Variants in PRRT3 observed in about 807,000 individuals in gnomAD.
The protein encoded by PRRT3 is proline rich transmembrane protein 3.
Under a neutral mutation model 56.6 loss-of-function variants are expected in PRRT3, and 48 were observed. The observed-to-expected ratio is 0.85, with a 90% CI of 0.67 to 1.08. The LOEUF is 1.08. Ranked by LOEUF, PRRT3 falls within the 50% of genes least tolerant of loss-of-function variation. PRRT3 has a pLI of 0.00. For missense variants in PRRT3, 1,370 were observed against 1,353.1 expected (o/e 1.01, Z -0.20); for synonymous variants, 641 against 619.1 (o/e 1.04, Z -0.52).
In PRRT3 at chr3:9,949,938, C is replaced by A. The variant is rs374087278; in HGVS notation, c.178G>T (p.Val60Leu). Reference sequence around the variant, plus strand: ...TCAGCTCTGGGGTTCTCCGGGAACACGTCAAAGGCCTGGGGCTCTGAGCCC... The same window carrying A: ...TCAGCTCTGGGGTTCTCCGGGAACAAGTCAAAGGCCTGGGGCTCTGAGCCC... The part of the protein sequence containing the change: ...SVGSEPQAFD[V>L]FPENPRADSH... The change falls in exon 2 of 4, where the codon GTG (valine) becomes TTG (leucine). Residue 60 changes from valine (V) to leucine (L), a missense_variant. Coordinates refer to ENST00000412055, the MANE Select transcript of PRRT3 (RefSeq NM_207351.5). The surrounding 1 kb of genome is among the most constrained non-coding windows in gnomAD (Gnocchi z 4.5). 1.2e-6 allele frequency: 2 copies of A among 1,604,238 alleles called. No individual in the cohort carries two copies. Among genetic ancestry groups the A allele is most frequent in the South Asian group, 1.1e-5 (1 of 89,760 alleles).
Position 9,946,051 on chromosome 3 carries a change from T to C in PRRT3, c.*176A>G. The C allele has an allele frequency of 2.1e-6, 2 of 940,896 alleles. No homozygotes were observed. The highest frequency in any genetic ancestry group is 3.0e-6 in the Non-Finnish European group (2 of 658,002). 58.3% of individuals were successfully genotyped at this position (940,896 alleles called of 1,614,324 possible). ...TTCGCTATGTTCGAGACCAGGAGGC[T>C]GATCTCGAACTCCTGACCTCGTGTT... On this transcript the variant is annotated 3_prime_UTR_variant, in exon 4 of 4. Transcript: ENST00000412055. This position sits in a 1 kb window ranked among gnomAD's most constrained non-coding sequence, Gnocchi z 4.1.
At chr3:9,950,485 C>T (rs1045998895) in intron 1 of PRRT3, among the ~76,000 whole-genome samples, 4 of 151,348 alleles carry the variant, frequency 2.6e-5, no homozygotes, top group Non-Finnish European at 4.4e-5. Flanking sequence ...AATGCTCTCT[C>T]CCTTCCCCTT....
At chr3:9,950,214 G>A in intron 1 of PRRT3, 42 bp from the exon 2 acceptor site, 2 of 1,062,058 alleles carry the variant, frequency 1.9e-6, no homozygotes, top group South Asian at 4.4e-5. Context: ...TGAGGGCTGG[G>A]GGCCCCCATG....
rs2085564809 is a variant in PRRT3 at position 9,948,407 on chromosome 3, G to C, written c.1171+351C>G. 7.3e-6 allele frequency: 3 copies of C among 411,000 alleles called. No homozygotes were observed. In the East Asian group the frequency reaches 1.2e-4, roughly 16 times the overall value. 25.5% of individuals were successfully genotyped at this position (411,000 alleles called of 1,614,324 possible). Reference sequence around the variant, plus strand: ...TGCAGTGGTGCAATGTGGGCTTACTGCAGCCTTGACCTCCAGGACAAGTGA... The same window carrying C: ...TGCAGTGGTGCAATGTGGGCTTACTCCAGCCTTGACCTCCAGGACAAGTGA... On this transcript the variant is annotated intron_variant, in intron 3 of 3. Coordinates refer to ENST00000412055, the MANE Select transcript of PRRT3 (RefSeq NM_207351.5).
chr3:9,948,445 G>T (rs2085565309), intron 3 of PRRT3: 1 of 442,732 alleles, frequency 2.3e-6, no homozygotes, highest in Non-Finnish European at 3.9e-6. Context: ...TCCCACCTCA[G>T]CCTCCGGAAT....
chr3:9,947,718 G>T lies in PRRT3; in HGVS notation c.1455C>A (p.Pro485=), dbSNP rs767412514. Residue 485 remains proline (P), a synonymous_variant, in exon 4 of 4, where the codon CCC becomes CCA. Transcript: ENST00000412055. This position sits in a 1 kb window ranked among gnomAD's most constrained non-coding sequence, Gnocchi z 9.2. ...VYGVGVLFLL[P]ALLALAALAA... ...CCAGCGCAGCCAGCGCCAACAACGC[G>T]GGCAGCAGAAAGAGTACCCCCACCC... The T allele has an allele frequency of 1.8e-5, 28 of 1,565,032 alleles. 1 individual carries two copies. The South Asian group carries it at 2.6e-4, about 15-fold the overall frequency.
rs2085513620 is a variant in PRRT3 at position 9,946,187 on chromosome 3, G to A, written c.*40C>T. 3 of 1,584,114 alleles carry A rather than the reference G, an allele frequency of 1.9e-6. No homozygotes were observed. Among genetic ancestry groups the A allele is most frequent in the Non-Finnish European group, 2.6e-6 (3 of 1,164,142 alleles). On this transcript the variant is annotated 3_prime_UTR_variant, in exon 4 of 4. Transcript: ENST00000412055. The surrounding 1 kb of genome is among the most constrained non-coding windows in gnomAD (Gnocchi z 4.1). ...CTGTCCCAGTAGGCCATGCCATGTG[G>A]GCATCGGGCAGGGTCCTGGCCCTGC... is the stretch of plus-strand genomic sequence containing the variant.
At position 9,948,936 on chromosome 3, in the gene PRRT3, A is replaced by C. The variant is rs773801251; in HGVS notation, c.1016-23T>G. 3 of 1,544,898 alleles carry C rather than the reference A, an allele frequency of 1.9e-6. No individual in the cohort carries two copies. The South Asian group carries it at 3.7e-5, about 19-fold the overall frequency. Reference sequence around the variant, plus strand: ...TCTCTGAAATGACAAAGCAGTCATCACCTTACCTGACCCTCCTATGGTCCT... The same window carrying C: ...TCTCTGAAATGACAAAGCAGTCATCCCCTTACCTGACCCTCCTATGGTCCT... On this transcript the variant is annotated intron_variant, in intron 2 of 3. Coordinates refer to ENST00000412055, the MANE Select transcript of PRRT3 (RefSeq NM_207351.5).
Position 9,948,825 on chromosome 3 carries a change from G to A in PRRT3, c.1104C>T (p.Ile368=). 1 of 1,613,534 alleles carries A rather than the reference G, an allele frequency of 6.2e-7. No homozygotes were observed. The highest frequency in any genetic ancestry group is 1.7e-5 in the Admixed American group (1 of 59,892). The change falls in exon 3 of 4, where the codon ATC becomes ATT. Residue 368 remains isoleucine (I), a synonymous_variant. Coordinates refer to ENST00000412055, the MANE Select transcript of PRRT3 (RefSeq NM_207351.5). ...VEAPGTPKSL[I]PGPSDPGPAV... ...CTGGGCCAGGGTCTGAGGGACCAGG[G>A]ATGAGAGACTTGGGGGTGCCTGGGG...
In PRRT3 at chr3:9,947,004, C is replaced by A. The variant is rs1232031869; in HGVS notation, c.2169G>T (p.Pro723=). ...GCTCCGGCACCTCGCTCTTTCCTGACGGCGCCGGGCACGCCAGACGCATCA... is the reference window on the plus strand; with the variant it reads ...GCTCCGGCACCTCGCTCTTTCCTGAAGGCGCCGGGCACGCCAGACGCATCA... ...AKLMRLACPA[P]SGKSEVPERP... The change falls in exon 4 of 4, where the codon CCG becomes CCT. Residue 723 remains proline, a synonymous_variant. Coordinates refer to ENST00000412055, the MANE Select transcript of PRRT3 (RefSeq NM_207351.5). The surrounding 1 kb of genome is among the most constrained non-coding windows in gnomAD (Gnocchi z 9.2). 7 of 1,541,850 alleles carry A rather than the reference C, an allele frequency of 4.5e-6. No homozygotes were observed. Among genetic ancestry groups the A allele is most frequent in the Non-Finnish European group, 5.2e-6 (6 of 1,148,636 alleles).
At position 9,946,789 on chromosome 3, in the gene PRRT3, G is replaced by A; in HGVS notation, c.2384C>T (p.Pro795Leu). 1 of 1,547,436 alleles carries A rather than the reference G, an allele frequency of 6.5e-7. No homozygotes were observed. The highest frequency in any genetic ancestry group is 8.7e-7 in the Non-Finnish European group (1 of 1,154,286). Residue 795 changes from proline (P) to leucine (L), a missense_variant, in exon 4 of 4, where the codon CCG becomes CTG. Pro to Leu is a moderately conservative substitution (Grantham distance 98, BLOSUM62 -3). Transcript: ENST00000412055. This position sits in a 1 kb window ranked among gnomAD's most constrained non-coding sequence, Gnocchi z 4.1. ...GPGLSRNGVG[P>L]APSLSELDLR... is the part of the protein sequence containing the mutation. ...ATCCAGCTCGCTCAGCGATGGCGCC[G>A]GTCCCACACCGTTGCGGGACAGTCC...
chr3:9,949,115 C>T lies in PRRT3; in HGVS notation c.1001G>A (p.Arg334Gln), dbSNP rs543911355. Residue 334 changes from arginine to glutamine, a missense_variant, in exon 2 of 4, where the codon CGG (arginine) becomes CAG (glutamine). Arg to Gln is a conservative substitution (Grantham distance 43, BLOSUM62 1). Coordinates refer to ENST00000412055, the MANE Select transcript of PRRT3 (RefSeq NM_207351.5). This position sits in a 1 kb window ranked among gnomAD's most constrained non-coding sequence, Gnocchi z 4.5. ...TDPPASEAPD[R>Q]PSKPERAAMN... ...TTGATACCCACCTGGCTTAGACGGC[C>T]GATCAGGAGCCTCTGAGGCGGGTGG... 3.7e-6 allele frequency: 6 copies of T among 1,605,294 alleles called. No individual in the cohort carries two copies. Among genetic ancestry groups the T allele is most frequent in the South Asian group, 3.3e-5 (3 of 90,096 alleles).
At position 9,946,517 on chromosome 3, in the gene PRRT3, G is replaced by A. The variant is rs753930539; in HGVS notation, c.2656C>T (p.Gln886Ter). 11 of 1,511,308 alleles carry A rather than the reference G, an allele frequency of 7.3e-6. No individual in the cohort carries two copies. The highest frequency in any genetic ancestry group is 1.3e-5 in the South Asian group (1 of 79,688). The allele number at this position is 1,511,308 out of a possible 1,614,324, so 93.6% of individuals were successfully genotyped here. ...SDVRVRGPVP[Q>*]HVVEAPDGAA... ...CCGTCGGGTGCTTCCACTACGTGCT[G>A]TGGGACCGGCCCGCGCACGCGCACG... The change falls in exon 4 of 4, where the codon CAG (glutamine) becomes TAG (stop). Residue 886 changes from glutamine (Q) to a stop codon, truncating the protein, a stop_gained. Coordinates refer to ENST00000412055, the MANE Select transcript of PRRT3 (RefSeq NM_207351.5). LOFTEE classifies it high-confidence loss of function. The surrounding 1 kb of genome is among the most constrained non-coding windows in gnomAD (Gnocchi z 4.1).
At position 9,950,123 on chromosome 3, in the gene PRRT3, T is replaced by A. The variant is rs776618131; in HGVS notation, c.-8A>T. On this transcript the variant is annotated 5_prime_UTR_variant, in exon 2 of 4. Transcript: ENST00000412055. ...CCATGGGCTGGAGGCCATGGTCTAC[T>A]CCGATGCCTGGGCCTAAAGCCCCCA... The A allele has an allele frequency of 4.1e-5, 59 of 1,432,440 alleles. No individual in the cohort carries two copies. The highest frequency in any genetic ancestry group is 5.2e-5 in the Admixed American group (2 of 38,208). 88.7% of individuals were successfully genotyped at this position (1,432,440 alleles called of 1,614,324 possible). A position where few individuals can be genotyped will look rare whatever the true frequency, so the allele number is the denominator to read the frequency against.
Position 9,945,743 on chromosome 3 carries a change from A to T in PRRT3, c.*484T>A, listed in dbSNP as rs2085501646. 6.5e-6 allele frequency: 1 copy of T among 153,796 alleles called. No homozygotes were observed. The highest frequency in any genetic ancestry group is 2.4e-5 in the African/African-American group (1 of 41,370). 9.5% of individuals were successfully genotyped at this position (153,796 alleles called of 1,614,324 possible). The stretch of plus-strand genomic sequence containing the variant: ...AAAAAATAGAAATATTAAAAGCAAA[A>T]AACGGCATGGGGGTGGGGTGAGTTC... On this transcript the variant is annotated 3_prime_UTR_variant, in exon 4 of 4. Transcript: ENST00000412055.
chr3:9,946,935 G>C lies in PRRT3; in HGVS notation c.2238C>G (p.Gly746=). Residue 746 remains glycine (G), a synonymous_variant, in exon 4 of 4, where the codon GGC becomes GGG. Coordinates refer to ENST00000412055, the MANE Select transcript of PRRT3 (RefSeq NM_207351.5). This position sits in a 1 kb window ranked among gnomAD's most constrained non-coding sequence, Gnocchi z 4.1. ...TGAGGCTCTTGCTGATGTCCAAGCT[G>C]CCTGCACCAACGTTGCTGGGCCCTG... The part of the protein sequence containing the change: ...CYAGPSNVGA[G]SLDISKSLIR... 6.5e-7 allele frequency: 1 copy of C among 1,541,686 alleles called. No homozygotes were observed. The highest frequency in any genetic ancestry group is 1.9e-5 in the Admixed American group (1 of 51,632).
At chr3:9,948,358 C>T in intron 3 of PRRT3, 1 of 359,638 alleles carries the variant, frequency 2.8e-6, no homozygotes, top group Non-Finnish European at 4.9e-6. Flanking sequence ...TTGACAGGTT[C>T]TCACTCTGTC....
chr3:9,949,246 C>CT lies in PRRT3; in HGVS notation c.869dup (p.Arg291GlufsTer5), dbSNP rs754260426. The CT allele has an allele frequency of 6.2e-7, 1 of 1,602,808 alleles. No homozygotes were observed. Among genetic ancestry groups the CT allele is most frequent in the Non-Finnish European group, 8.5e-7 (1 of 1,173,822 alleles). ...CCCAGGACACCTCAGCGCCAGCCCT[C>CT]TTGGGGGTCTCAACCGGCAGCTCCT... On this transcript the variant is annotated frameshift_variant, in exon 2 of 4. Transcript: ENST00000412055. LOFTEE classifies it high-confidence loss of function. This position sits in a 1 kb window ranked among gnomAD's most constrained non-coding sequence, Gnocchi z 4.5.
In PRRT3 at chr3:9,946,805, G is replaced by A. The variant is rs1285218783; in HGVS notation, c.2368C>T (p.Arg790Cys). 1 of 1,549,414 alleles carries A rather than the reference G, an allele frequency of 6.5e-7. No individual in the cohort carries two copies. The highest frequency in any genetic ancestry group is 2.4e-5 in the East Asian group (1 of 42,486). The stretch of plus-strand genomic sequence containing the variant: ...GATGGCGCCGGTCCCACACCGTTGC[G>A]GGACAGTCCCGGGCCACCCTGGGGT... The part of the protein sequence containing the change: ...RGPQGGPGLS[R>C]NGVGPAPSLS... Residue 790 changes from arginine (R) to cysteine (C), a missense_variant, in exon 4 of 4, where the codon CGC becomes TGC. Arg to Cys is a radical substitution (Grantham distance 180). Transcript: ENST00000412055. This position sits in a 1 kb window ranked among gnomAD's most constrained non-coding sequence, Gnocchi z 4.1.
Sources: allele counts gnomAD v4.1 joint callset (sites outside exome capture counted in the v4.1 genomes callset), GRCh38; gene constraint gnomAD v4.1.1; non-coding constraint Gnocchi (gnomAD v3.1); transcripts MANE v1.5; gene names NCBI Gene and HGNC (gene_info 2026-07-23, HGNC 2026-07-21).